Variants in FNDC3B observed in about 807,000 individuals in gnomAD.
FNDC3B encodes fibronectin type III domain-containing protein 3B.
In FNDC3B, 12 loss-of-function variants were observed where a neutral mutation model predicts 151.5. That is an observed-to-expected ratio of 0.08 (90% CI 0.05 to 0.13). FNDC3B has a LOEUF of 0.13. Ranked by LOEUF, FNDC3B falls within the 10% of genes least tolerant of loss-of-function variation. The pLI is 1.00. For synonymous variants in FNDC3B, 528 were observed against 549.0 expected, an observed-to-expected ratio of 0.96 and a Z score of 0.54; for missense variants, 1,214 against 1,505.3, an observed-to-expected ratio of 0.81 and a Z score of 3.20.
At chr3:172,076,850 C>T (rs183907233) in intron 1 of FNDC3B, among the ~76,000 whole-genome samples, 87 of 152,152 alleles carry the variant, frequency 5.7e-4, no homozygotes, top group African/African-American at 2.0e-3. Context: ...CCTGGGGTGA[C>T]TTTGTCATGG....
chr3:172,360,091 C>T lies in FNDC3B; in HGVS notation c.2796-2542C>T, dbSNP rs190548939. The stretch of plus-strand genomic sequence containing the variant: ...GCAACTGTTTTCCTATGTGGTGATG[C>T]CAGTTTTCATTATCACTAGTGAAAT... On this transcript the variant is annotated intron_variant, in intron 22 of 25. Transcript: ENST00000415807. Among the ~76,000 whole-genome samples, 24 of 152,174 alleles carry T rather than the reference C, an allele frequency of 1.6e-4. No homozygotes were observed. In the East Asian group the frequency reaches 4.0e-3, roughly 26 times the overall value.
At chr3:172,232,015 G>A (rs1324453217) in intron 4 of FNDC3B, among the ~76,000 whole-genome samples, 1 of 151,792 alleles carries the variant, frequency 6.6e-6, no homozygotes, top group East Asian at 1.9e-4. Context: ...CAAGGAGGTG[G>A]GATTACAGGC....
At position 172,397,800 on chromosome 3, in the gene FNDC3B, AT is replaced by A. The variant is rs57003017; in HGVS notation, c.*338del. 0.75 allele frequency: 114,625 copies of A among 153,002 alleles called. 42,430 individuals are homozygous for A. The highest frequency in any genetic ancestry group is 0.84 in the East Asian group (4,331 of 5,150). The allele number at this position is 153,002 out of a possible 1,614,324, so 9.5% of individuals were successfully genotyped here. ...CACTGATGTCTTTTGCAAGCCTTTGATTTTTTTTTTTTTGTTACAGTTTAGT... is the reference window on the plus strand; with the variant it reads ...CACTGATGTCTTTTGCAAGCCTTTGATTTTTTTTTTTTGTTACAGTTTAGT... On this transcript the variant is annotated 3_prime_UTR_variant, in exon 26 of 26. Coordinates refer to ENST00000415807, the MANE Select transcript of FNDC3B (RefSeq NM_022763.4).
chr3:172,043,808 A>G (rs1439994793), intron 1 of FNDC3B, among the ~76,000 whole-genome samples: 1 of 152,322 alleles, frequency 6.6e-6, no homozygotes, highest in Middle Eastern at 3.4e-3. Context: ...TTGGTTTAAT[A>G]TAGGAATTGT....
At chr3:172,106,122 T>C (rs1029959396) in intron 1 of FNDC3B, among the ~76,000 whole-genome samples, 2 of 152,166 alleles carry the variant, frequency 1.3e-5, no homozygotes. Context: ...AAGTGAAAAG[T>C]TAAAACTGAA....
chr3:172,200,011 A>ATTCG (rs2108687130), intron 3 of FNDC3B, among the ~76,000 whole-genome samples: 1 of 152,022 alleles, frequency 6.6e-6, no homozygotes, highest in Non-Finnish European at 1.5e-5. Context: ...GTATTCATTC[A>ATTCG]TTCATTCATT....
At chr3:172,216,303 A>T (rs1725972819) in intron 3 of FNDC3B, among the ~76,000 whole-genome samples, 2 of 152,176 alleles carry the variant, frequency 1.3e-5, no homozygotes, top group South Asian at 4.1e-4. Context: ...CTATCTTTGG[A>T]TTACCTGCCA....
At chr3:172,304,592 G>A (rs1348365798) in intron 9 of FNDC3B, among the ~76,000 whole-genome samples, 2 of 152,158 alleles carry the variant, frequency 1.3e-5, no homozygotes, top group Admixed American at 6.5e-5. Flanking sequence ...CATTACTACA[G>A]GGCAGGAAAG....
chr3:172,093,534 A>G (rs1010630100), intron 1 of FNDC3B, among the ~76,000 whole-genome samples: 1 of 152,168 alleles, frequency 6.6e-6, no homozygotes, highest in Non-Finnish European at 1.5e-5. Flanking sequence ...CTGGGATTAC[A>G]GGCGTGAGTC....
Position 172,153,874 on chromosome 3 carries a change from T to C in FNDC3B, c.187+20328T>C, listed in dbSNP as rs73041133. Among the ~76,000 whole-genome samples, 744 of 152,160 alleles carry C rather than the reference T, an allele frequency of 4.9e-3. 11 individuals are homozygous for C. Among genetic ancestry groups the C allele is most frequent in the African/African-American group, 0.017 (724 of 41,506 alleles). On this transcript the variant is annotated intron_variant, in intron 3 of 25. Transcript: ENST00000415807. ...GCGATGTGAGCTCTTAGCCCTATCC[T>C]GCAGACAGGTAGTAAAGAAACAAAA...
intron 1 of FNDC3B, among the ~76,000 whole-genome samples, chr3:172,087,981 C>G (rs1282336539): frequency 6.6e-6 from 1 of 152,132 alleles, no homozygotes; most frequent in Non-Finnish European, 1.5e-5. Flanking sequence ...GTTCATGTAT[C>G]TTGAAGCTTT....
chr3:172,206,853 T>C (rs548538884), intron 3 of FNDC3B, among the ~76,000 whole-genome samples: 2 of 152,262 alleles, frequency 1.3e-5, no homozygotes, highest in East Asian at 3.9e-4. Context: ...TTTTAGTATA[T>C]TGGGTTTGCT....
intron 1 of FNDC3B, among the ~76,000 whole-genome samples, chr3:172,091,873 G>GTGTGTGTGTGTGT (rs3221957): frequency 4.8e-5 from 6 of 124,820 alleles, no homozygotes; most frequent in South Asian, 5.5e-4. Flanking sequence ...ACTTTACTGG[G>GTGTGTGTGTGTGT]GTGTGTGTGT....
intron 3 of FNDC3B, among the ~76,000 whole-genome samples, chr3:172,201,904 A>G (rs1157141259): frequency 6.6e-6 from 1 of 152,202 alleles, no homozygotes; most frequent in African/African-American, 2.4e-5. Context: ...TGTGTTTTTG[A>G]AATTCAACTT....
chr3:172,158,959 C>T lies in FNDC3B; in HGVS notation c.187+25413C>T, dbSNP rs1269500171. Among the ~76,000 whole-genome samples, 6 of 152,054 alleles carry T rather than the reference C, an allele frequency of 3.9e-5. No individual in the cohort carries two copies. The East Asian group carries it at 1.2e-3, about 29-fold the overall frequency. Reference sequence around the variant, plus strand: ...CAATATTTTAGAAAATACTGTTTTCCTCCCTTGCATCACTTTTCACCTCTG... The same window carrying T: ...CAATATTTTAGAAAATACTGTTTTCTTCCCTTGCATCACTTTTCACCTCTG... On this transcript the variant is annotated intron_variant, in intron 3 of 25. Coordinates refer to ENST00000415807, the MANE Select transcript of FNDC3B (RefSeq NM_022763.4).
rs74322724 is a variant in FNDC3B, at chr3:172,297,995, G to A, written c.1002-733G>A. Among the ~76,000 whole-genome samples the A allele has an allele frequency of 7.6e-3, 1,153 of 152,232 alleles. 6 individuals carry two copies. Among genetic ancestry groups the A allele is most frequent in the Middle Eastern group, 0.017 (5 of 294 alleles). ...TTGGGCAGTTTTCACCCCTTCCCGC[G>A]CAGGAGCTAGTCTAGGGTCATACAG... On this transcript the variant is annotated intron_variant, in intron 8 of 25. Transcript: ENST00000415807.
intron 11 of FNDC3B, among the ~76,000 whole-genome samples, chr3:172,311,398 G>C (rs1731480618): frequency 6.6e-6 from 1 of 152,054 alleles, no homozygotes; most frequent in Admixed American, 6.6e-5. Flanking sequence ...TGTATCGGAT[G>C]CCCCCCTTGC....
chr3:172,093,754 C>T lies in FNDC3B; in HGVS notation c.-28-18698C>T, dbSNP rs559609212. Among the ~76,000 whole-genome samples, 23 of 152,278 alleles carry T rather than the reference C, an allele frequency of 1.5e-4. No homozygotes were observed. The East Asian group carries it at 4.4e-3, about 29-fold the overall frequency. ...AGAAAAAGATCAAAGGCAGTGCTAACTTTAGTGTACTAAGGAATCTTCTGG... is the reference window on the plus strand; with the variant it reads ...AGAAAAAGATCAAAGGCAGTGCTAATTTTAGTGTACTAAGGAATCTTCTGG... On this transcript the variant is annotated intron_variant, in intron 1 of 25. Transcript: ENST00000415807.
intron 4 of FNDC3B, among the ~76,000 whole-genome samples, chr3:172,244,617 C>CTT (rs11294678): frequency 0.015 from 1,078 of 73,114 alleles, 7 homozygotes; most frequent in Non-Finnish European, 0.017. Context: ...AATATTTCAC[C>CTT]TTTTTTTTTT....
Sources: gnomAD v4.1 joint callset for allele counts (sites outside exome capture counted in the v4.1 genomes callset) on GRCh38, gnomAD v4.1.1 for gene constraint, MANE v1.5 for transcripts, NCBI Gene and HGNC (gene_info 2026-07-23, HGNC 2026-07-21) for gene names.